Variants in BMPR1A observed in about 807,000 individuals in gnomAD.
The protein encoded by BMPR1A is bone morphogenetic protein receptor type-1A.
In BMPR1A, 7 loss-of-function variants were observed where a neutral mutation model predicts 66.0. The observed-to-expected ratio is 0.11, with a 90% CI of 0.06 to 0.20. The LOEUF is 0.20. BMPR1A is among the 10% of genes least tolerant of loss of function. The pLI, the probability that BMPR1A is intolerant of heterozygous loss-of-function variation, is 1.00. For synonymous variants in BMPR1A, 200 were observed against 229.7 expected (o/e 0.87, Z 1.17); for missense variants, 408 against 669.1 (o/e 0.61, Z 4.31).
At chr10:86,887,975 T>TC (rs936156605) in intron 3 of BMPR1A, among the ~76,000 whole-genome samples, 2 of 152,020 alleles carry the variant, frequency 1.3e-5, no homozygotes, top group African/African-American at 4.8e-5. Context: ...ACCTCCTGCT[T>TC]CCCCCACCCC....
At chr10:86,892,050 C>A in intron 4 of BMPR1A, 77 bp from the exon 5 acceptor site, 2 of 1,145,048 alleles carry the variant, frequency 1.7e-6, no homozygotes, top group East Asian at 2.5e-5. Context: ...TGTACCTGTT[C>A]ACATTCAGAC....
chr10:86,881,407 T>A (rs543545607), intron 3 of BMPR1A, among the ~76,000 whole-genome samples: 2 of 152,330 alleles, frequency 1.3e-5, no homozygotes, highest in East Asian at 3.9e-4. Context: ...ATCTCATAGA[T>A]GTATTCCAAG....
intron 1 of BMPR1A, among the ~76,000 whole-genome samples, chr10:86,800,942 T>TA (rs879458340): frequency 2.6e-5 from 4 of 152,196 alleles, no homozygotes; most frequent in African/African-American, 4.8e-5. Flanking sequence ...TTCACGTACT[T>TA]ACGTATGATG....
chr10:86,810,181 A>G (rs4934267), intron 1 of BMPR1A, among the ~76,000 whole-genome samples: 11,440 of 151,988 alleles, frequency 0.075, 525 homozygotes, highest in Non-Finnish European at 0.081. Flanking sequence ...GGGTTTCACC[A>G]TGTTGGCCAG....
At chr10:86,852,358 A>G (rs529117879) in intron 2 of BMPR1A, among the ~76,000 whole-genome samples, 44 of 152,272 alleles carry the variant, frequency 2.9e-4, no homozygotes, top group African/African-American at 8.9e-4. Flanking sequence ...GAACAAAACA[A>G]TAGAGAAAAT....
At chr10:86,807,402 A>G (rs1040433731) in intron 1 of BMPR1A, among the ~76,000 whole-genome samples, 1 of 152,190 alleles carries the variant, frequency 6.6e-6, no homozygotes, top group African/African-American at 2.4e-5. Flanking sequence ...TTTATCTGAC[A>G]CAGAATCTCT....
At chr10:86,917,483 G>A (rs923119470) in intron 9 of BMPR1A, among the ~76,000 whole-genome samples, 157 bp downstream of exon 9, 1 of 152,132 alleles carries the variant, frequency 6.6e-6, no homozygotes, top group Non-Finnish European at 1.5e-5. Flanking sequence ...AACATAGTCC[G>A]GAATGCCAAC....
chr10:86,806,057 C>A (rs1379512628), intron 1 of BMPR1A, among the ~76,000 whole-genome samples: 1 of 152,106 alleles, frequency 6.6e-6, no homozygotes, highest in African/African-American at 2.4e-5. Flanking sequence ...TGAAGAACAC[C>A]AGGCCAGTTA....
chr10:86,806,716 G>A (rs1241772317), intron 1 of BMPR1A, among the ~76,000 whole-genome samples: 3 of 151,772 alleles, frequency 2.0e-5, no homozygotes, highest in Admixed American at 6.6e-5. Flanking sequence ...CAAACCTGAC[G>A]AAATTTTTTT....
intron 1 of BMPR1A, among the ~76,000 whole-genome samples, chr10:86,764,764 A>G (rs899426676): frequency 3.3e-5 from 5 of 152,220 alleles, no homozygotes; most frequent in African/African-American, 1.2e-4. Flanking sequence ...AGCCACTACC[A>G]CATGTGGCTG....
intron 1 of BMPR1A, among the ~76,000 whole-genome samples, chr10:86,780,046 A>C (rs1037947169): frequency 6.6e-6 from 1 of 152,132 alleles, no homozygotes; most frequent in Non-Finnish European, 1.5e-5. Flanking sequence ...CTGGGATTAC[A>C]GGCATGAGCC....
intron 1 of BMPR1A, among the ~76,000 whole-genome samples, chr10:86,788,599 A>G (rs11202179): frequency 0.012 from 1,795 of 152,238 alleles, 28 homozygotes; most frequent in African/African-American, 0.041. Flanking sequence ...CCAGTGTTCA[A>G]GCGGTTCTTC....
chr10:86,904,949 G>C (rs751823737), intron 7 of BMPR1A, among the ~76,000 whole-genome samples: 6 of 152,178 alleles, frequency 3.9e-5, no homozygotes, highest in Non-Finnish European at 8.8e-5. Flanking sequence ...TATACAATCT[G>C]TAATTTGGAA....
intron 2 of BMPR1A, among the ~76,000 whole-genome samples, chr10:86,839,866 TG>T (rs1302351330): frequency 6.6e-6 from 1 of 152,080 alleles, no homozygotes; most frequent in Non-Finnish European, 1.5e-5. Context: ...CCCTCTGTGT[TG>T]CTCAGGCTGG....
At chr10:86,829,041 C>A (rs866179522) in intron 1 of BMPR1A, among the ~76,000 whole-genome samples, 1 of 152,036 alleles carries the variant, frequency 6.6e-6, no homozygotes, top group African/African-American at 2.4e-5. Context: ...AATTGCCACA[C>A]CTTCACGGAG....
At chr10:86,769,622 T>G (rs573115420) in intron 1 of BMPR1A, among the ~76,000 whole-genome samples, 1 of 152,294 alleles carries the variant, frequency 6.6e-6, no homozygotes, top group South Asian at 2.1e-4. Flanking sequence ...GAGAAGGAAT[T>G]GTGCCAGAAT....
intron 5 of BMPR1A, among the ~76,000 whole-genome samples, chr10:86,896,312 CCTTTCCAATAACA>C (rs1843223898): frequency 6.6e-6 from 1 of 151,890 alleles, no homozygotes; most frequent in African/African-American, 2.4e-5. Flanking sequence ...GAAAAAATGC[CCTTTCCAATAACA>C]TTTTCTTAAG....
At chr10:86,773,973 C>T (rs1841306716) in intron 1 of BMPR1A, among the ~76,000 whole-genome samples, 1 of 151,712 alleles carries the variant, frequency 6.6e-6, no homozygotes, top group South Asian at 2.1e-4. Flanking sequence ...GCCTCAGCCT[C>T]CTGAGTAGCT....
rs55804247 is a variant in BMPR1A at position 86,835,549 on chromosome 10, C to CAAAAAAAAAAAAAAAAAAAA, written c.-267-3296_-267-3277dup. On this transcript the variant is annotated intron_variant, in intron 1 of 12. Coordinates refer to ENST00000372037, the MANE Select transcript of BMPR1A (RefSeq NM_004329.3). ...CTGGGTGACAAGCAAGACTCTGTAT[C>CAAAAAAAAAAAAAAAAAAAA]AAAAAAAAAAAAAAAAAAAAAAAAA... 4.5e-4 allele frequency among the ~76,000 whole-genome samples: 20 copies of CAAAAAAAAAAAAAAAAAAAA among 44,338 alleles called. 1 individual carries two copies. Among genetic ancestry groups the CAAAAAAAAAAAAAAAAAAAA allele is most frequent in the South Asian group, 1.6e-3 (2 of 1,244 alleles). 29.1% of individuals were successfully genotyped at this position (44,338 alleles called of 152,430 possible). A position where few individuals can be genotyped will look rare whatever the true frequency, so the allele number is the denominator to read the frequency against.
Sources: allele counts gnomAD v4.1 joint callset (sites outside exome capture counted in the v4.1 genomes callset), GRCh38; gene constraint gnomAD v4.1.1; transcripts MANE v1.5; gene names NCBI Gene and HGNC (gene_info 2026-07-23, HGNC 2026-07-21).